The following PRKAG2 variants were observed in gnomAD, a reference collection of about 807,000 sequenced individuals.
The protein encoded by PRKAG2 is protein kinase AMP-activated non-catalytic subunit gamma 2.
A neutral mutation model predicts 69.6 loss-of-function variants in PRKAG2; 26 were observed. The observed-to-expected ratio is 0.37, with a 90% CI of 0.27 to 0.52. The LOEUF (loss-of-function observed/expected upper bound fraction) is 0.52. Ranked by LOEUF, PRKAG2 falls within the 20% of genes least tolerant of loss-of-function variation. The pLI is 0.90. For missense variants in PRKAG2, 557 were observed against 740.0 expected, an observed-to-expected ratio of 0.75 and a Z score of 2.87; for synonymous variants, 293 against 285.0, an observed-to-expected ratio of 1.03 and a Z score of -0.28.
chr7:151,732,939 T>C (rs998666168), intron 3 of PRKAG2, among the ~76,000 whole-genome samples: 1 of 152,196 alleles, frequency 6.6e-6, no homozygotes, highest in Non-Finnish European at 1.5e-5. Flanking sequence ...GTGATCCACC[T>C]GCCTCAGCCT....
At chr7:151,713,064 C>T (rs77990866) in intron 3 of PRKAG2, among the ~76,000 whole-genome samples, 5,661 of 152,242 alleles carry the variant, frequency 0.037, 364 homozygotes, top group African/African-American at 0.13. Flanking sequence ...GGCCCTTCCT[C>T]GGAGCTGAAG....
At chr7:151,801,792 T>C (rs2077850883) in intron 1 of PRKAG2, among the ~76,000 whole-genome samples, 1 of 152,216 alleles carries the variant, frequency 6.6e-6, no homozygotes, top group South Asian at 2.1e-4. Flanking sequence ...GATCAGCTGC[T>C]GCGCCAGCTG....
At chr7:151,592,785 T>C (rs1052459817) in intron 6 of PRKAG2, among the ~76,000 whole-genome samples, 3 of 152,264 alleles carry the variant, frequency 2.0e-5, no homozygotes, top group Non-Finnish European at 4.4e-5. Flanking sequence ...TCTTAGGTTG[T>C]TTTGGGTACG....
chr7:151,610,300 C>T (rs1371941482), intron 5 of PRKAG2, among the ~76,000 whole-genome samples: 6 of 152,144 alleles, frequency 3.9e-5, no homozygotes, highest in South Asian at 4.1e-4. Flanking sequence ...ACCTGGGAGG[C>T]GGAGCTTGCA....
chr7:151,874,450 TATG>T (rs1232398891), intron 1 of PRKAG2, among the ~76,000 whole-genome samples: 1 of 21,262 alleles, frequency 4.7e-5, no homozygotes, highest in African/African-American at 9.5e-5. Context: ...TGTATATGTA[TATG>T]ATGTATATGT....
chr7:151,633,827 T>C (rs1291117693), intron 4 of PRKAG2, among the ~76,000 whole-genome samples: 1 of 152,184 alleles, frequency 6.6e-6, no homozygotes, highest in Non-Finnish European at 1.5e-5. Flanking sequence ...GATTAATCTT[T>C]TGGTTTAATG....
At chr7:151,761,909 C>A (rs1191039462) in intron 3 of PRKAG2, among the ~76,000 whole-genome samples, 3 of 152,202 alleles carry the variant, frequency 2.0e-5, no homozygotes, top group African/African-American at 7.2e-5. Flanking sequence ...AATTTATCCC[C>A]GTGTGTCTTT....
intron 1 of PRKAG2, among the ~76,000 whole-genome samples, chr7:151,868,416 C>T (rs1347193219): frequency 1.3e-5 from 2 of 152,200 alleles, no homozygotes; most frequent in African/African-American, 4.8e-5. Flanking sequence ...ATGGTTAAGC[C>T]CGAAGGACGC....
rs73475429 is a variant in PRKAG2, at chr7:151,575,668, G to A, written c.946+703C>T. On this transcript the variant is annotated intron_variant, in intron 7 of 15. Transcript: ENST00000287878. Reference sequence around the variant, plus strand: ...CCCTGTCAAAAAGGTGTGCACTAGCGAGATGAGTGCGGGGCCCAGGGATGC... The same window carrying A: ...CCCTGTCAAAAAGGTGTGCACTAGCAAGATGAGTGCGGGGCCCAGGGATGC... Among the ~76,000 whole-genome samples the A allele has an allele frequency of 2.9e-3, 436 of 152,268 alleles. 5 individuals are homozygous for A. The highest frequency in any genetic ancestry group is 0.017 in the Middle Eastern group (5 of 294).
intron 3 of PRKAG2, among the ~76,000 whole-genome samples, chr7:151,713,212 T>A (rs556282699): frequency 6.6e-6 from 1 of 152,304 alleles, no homozygotes; most frequent in Admixed American, 6.5e-5. Flanking sequence ...GCCTGACATC[T>A]TAGAAAATGG....
intron 5 of PRKAG2, among the ~76,000 whole-genome samples, chr7:151,618,385 G>A (rs1032914260): frequency 6.6e-6 from 1 of 151,754 alleles, no homozygotes; most frequent in African/African-American, 2.4e-5. Flanking sequence ...CCGAGGAGGC[G>A]GAGGCTGCAG....
At chr7:151,852,636 C>G (rs1369552002) in intron 1 of PRKAG2, among the ~76,000 whole-genome samples, 1 of 152,066 alleles carries the variant, frequency 6.6e-6, no homozygotes, top group Non-Finnish European at 1.5e-5. Flanking sequence ...ACAGGACAGG[C>G]TGAGACCATA....
At chr7:151,832,573 C>G (rs2079060197) in intron 1 of PRKAG2, among the ~76,000 whole-genome samples, 1 of 138,100 alleles carries the variant, frequency 7.2e-6, no homozygotes, top group African/African-American at 2.7e-5. Flanking sequence ...TGGGGCTGGT[C>G]TGCTGGGCAC....
intron 6 of PRKAG2, among the ~76,000 whole-genome samples, chr7:151,581,027 T>G (rs1218066616): frequency 1.3e-5 from 2 of 152,190 alleles, no homozygotes; most frequent in African/African-American, 4.8e-5. Context: ...GATTATACAA[T>G]GTATGCCTGT....
intron 4 of PRKAG2, among the ~76,000 whole-genome samples, chr7:151,666,864 G>A (rs1240163412): frequency 6.6e-6 from 1 of 152,050 alleles, no homozygotes; most frequent in Non-Finnish European, 1.5e-5. Context: ...TCAGGATTTT[G>A]GTACCATAAA....
chr7:151,617,311 AG>A (rs1820417674), intron 5 of PRKAG2, among the ~76,000 whole-genome samples: 1 of 112,546 alleles, frequency 8.9e-6, no homozygotes, highest in African/African-American at 3.8e-5. Flanking sequence ...AGGGAGGGAG[AG>A]AGGGAGGGCA....
At chr7:151,697,288 A>G (rs1836837765) in intron 3 of PRKAG2, among the ~76,000 whole-genome samples, 1 of 152,112 alleles carries the variant, frequency 6.6e-6, no homozygotes, top group African/African-American at 2.4e-5. Flanking sequence ...CCCAACAGGC[A>G]GGGAGAAGTG....
At chr7:151,673,445 G>T (rs79862061) in intron 4 of PRKAG2, among the ~76,000 whole-genome samples, 3 of 152,050 alleles carry the variant, frequency 2.0e-5, no homozygotes, top group African/African-American at 7.2e-5. Flanking sequence ...CTGTAGGGCC[G>T]ACTGTGCCAC....
At chr7:151,596,540 G>A (rs1814569998) in intron 5 of PRKAG2, among the ~76,000 whole-genome samples, 3 of 152,142 alleles carry the variant, frequency 2.0e-5, no homozygotes, top group Admixed American at 2.0e-4. Flanking sequence ...CCTGAGGTCA[G>A]GAGTTTGAGA....
Sources: gnomAD v4.1 joint callset for allele counts (sites outside exome capture counted in the v4.1 genomes callset) on GRCh38, gnomAD v4.1.1 for gene constraint, MANE v1.5 for transcripts, NCBI Gene and HGNC (gene_info 2026-07-23, HGNC 2026-07-21) for gene names.